HTR4: variants seen among roughly 807,000 people sequenced by gnomAD.
HTR4 encodes 5-hydroxytryptamine (serotonin) receptor 4, G protein-coupled.
In HTR4, 16 loss-of-function variants were observed where a neutral mutation model predicts 36.8. That is an observed-to-expected ratio of 0.43 (90% CI 0.29 to 0.66). The LOEUF is 0.66. Among genes scored for constraint, HTR4 ranks in the 30% least tolerant of loss-of-function variants. The probability of loss-of-function intolerance (pLI) is 0.13; values close to 1 mark genes in which losing one functional copy is unlikely to be tolerated. For synonymous variants in HTR4, 189 were observed against 185.1 expected (o/e 1.02, Z -0.17); for missense variants, 438 against 490.9 (o/e 0.89, Z 1.02).
At chr5:148,626,779 T>C (rs1753124705) in intron 2 of HTR4, among the ~76,000 whole-genome samples, 1 of 152,224 alleles carries the variant, frequency 6.6e-6, no homozygotes, top group African/African-American at 2.4e-5. Flanking sequence ...GGTCTAGAAA[T>C]TGGGAGTCAA....
At chr5:148,640,299 T>C (rs901237253) in intron 1 of HTR4, among the ~76,000 whole-genome samples, 4 of 152,246 alleles carry the variant, frequency 2.6e-5, no homozygotes, top group African/African-American at 9.6e-5. Context: ...TGGAACCACC[T>C]CTTCCCTTCT....
chr5:148,583,462 G>A (rs1761224910), intron 2 of HTR4, among the ~76,000 whole-genome samples: 1 of 151,276 alleles, frequency 6.6e-6, no homozygotes, highest in Non-Finnish European at 1.5e-5. Flanking sequence ...AAGTTAATTT[G>A]ATATTTTGCA....
intron 2 of HTR4, among the ~76,000 whole-genome samples, chr5:148,562,239 C>G (rs1016674442): frequency 2.0e-5 from 3 of 152,174 alleles, no homozygotes; most frequent in African/African-American, 7.2e-5. Flanking sequence ...TTTCATGGCC[C>G]GAAGAGAAAC....
At chr5:148,490,152 T>G (rs1008607808) in intron 6 of HTR4, among the ~76,000 whole-genome samples, 93 of 148,144 alleles carry the variant, frequency 6.3e-4, no homozygotes, top group African/African-American at 2.2e-3. Context: ...TGTATATATA[T>G]AATATATAAT....
At position 148,548,798 on chromosome 5, in the gene HTR4, G is replaced by T. The variant is rs757960737; in HGVS notation, c.223C>A (p.Pro75Thr). The T allele has an allele frequency of 6.2e-7, 1 of 1,614,016 alleles. No homozygotes were observed. Among genetic ancestry groups the T allele is most frequent in the South Asian group, 1.1e-5 (1 of 91,062 alleles). The change falls in exon 4 of 7, where the codon CCC (proline) becomes ACC (threonine). Residue 75 changes from proline (P) to threonine (T), a missense_variant. Pro to Thr is a conservative substitution (Grantham distance 38). Coordinates refer to ENST00000377888, the MANE Select transcript of HTR4 (RefSeq NM_000870.7). ...TGAACCAGCTCAATGGCACCAAAGG[G>T]CATCACCAGCACCGAAACCAGCAGA... ...ADLLVSVLVM[P>T]FGAIELVQDI...
At chr5:148,532,838 A>G (rs529863280) in intron 4 of HTR4, among the ~76,000 whole-genome samples, 112 of 152,324 alleles carry the variant, frequency 7.4e-4, no homozygotes, top group African/African-American at 2.6e-3. Context: ...GAATCACTTA[A>G]AGGATTTGTT....
At chr5:148,480,103 T>C (rs1383045898), downstream of HTR4, among the ~76,000 whole-genome samples, 1 of 152,220 alleles carries the variant, frequency 6.6e-6, no homozygotes, top group Non-Finnish European at 1.5e-5. Context: ...GGGATGATTT[T>C]GATGGTCCAA....
chr5:148,653,959 C>G, intron 1 of HTR4, 103 bp downstream of exon 1: 1 of 749,694 alleles, frequency 1.3e-6, no homozygotes, highest in Non-Finnish European at 1.6e-6. Context: ...AGTCCAGAAC[C>G]CCCAAGCCCC....
chr5:148,524,536 G>T (rs569760369), intron 4 of HTR4, among the ~76,000 whole-genome samples: 2 of 152,192 alleles, frequency 1.3e-5, no homozygotes, highest in South Asian at 4.1e-4. Flanking sequence ...CAACAGTCTG[G>T]CCTCTAACTT....
intron 5 of HTR4, among the ~76,000 whole-genome samples, chr5:148,452,250 G>A (rs1179429675): frequency 2.6e-5 from 4 of 152,124 alleles, no homozygotes; most frequent in Non-Finnish European, 4.4e-5. Flanking sequence ...TTACATGTGA[G>A]CAAAATAACG....
Position 148,609,768 on chromosome 5 carries a change from G to A in HTR4, c.26+27221C>T, listed in dbSNP as rs892509463. On this transcript the variant is annotated intron_variant, in intron 2 of 6. Coordinates refer to ENST00000377888, the MANE Select transcript of HTR4 (RefSeq NM_000870.7). ...TTTTTAGTAGAGACGGGGTTTCACCGTGTTAGCCAGGATGTTCGCAATCTC... is the reference window on the plus strand; with the variant it reads ...TTTTTAGTAGAGACGGGGTTTCACCATGTTAGCCAGGATGTTCGCAATCTC... 4.6e-5 allele frequency among the ~76,000 whole-genome samples: 7 copies of A among 151,956 alleles called. 1 individual carries two copies. The highest frequency in any genetic ancestry group is 9.6e-5 in the African/African-American group (4 of 41,468).
intron 6 of HTR4, among the ~76,000 whole-genome samples, chr5:148,489,091 A>G (rs1756294390): frequency 6.6e-6 from 1 of 152,220 alleles, no homozygotes; most frequent in Non-Finnish European, 1.5e-5. Context: ...ATAGTATTCC[A>G]ATATAAAAGG....
Position 148,599,911 on chromosome 5 carries a change from A to G in HTR4, c.26+37078T>C, listed in dbSNP as rs1388209371. ...ATAACATAAGCATATTTTAATCTCTATAATAACCATTAAGGAATATACTTC... is the reference window on the plus strand; with the variant it reads ...ATAACATAAGCATATTTTAATCTCTGTAATAACCATTAAGGAATATACTTC... On this transcript the variant is annotated intron_variant, in intron 2 of 6. Coordinates refer to ENST00000377888, the MANE Select transcript of HTR4 (RefSeq NM_000870.7). Among the ~76,000 whole-genome samples, 4 of 151,920 alleles carry G rather than the reference A, an allele frequency of 2.6e-5. No individual in the cohort carries two copies. The East Asian group carries it at 5.8e-4, about 22-fold the overall frequency.
At chr5:148,481,501 C>T (rs1755881486), downstream of HTR4, 6 of 1,418,060 alleles carry the variant, frequency 4.2e-6, no homozygotes, top group African/African-American at 1.5e-5. Flanking sequence ...TGACTTTCTC[C>T]CCAACAGAAT....
intron 6 of HTR4, among the ~76,000 whole-genome samples, chr5:148,505,206 G>C (rs1757134502): frequency 6.6e-6 from 1 of 152,182 alleles, no homozygotes; most frequent in Non-Finnish European, 1.5e-5. Context: ...TGGGATGCAA[G>C]GCTGGTTCAA....
intron 2 of HTR4, among the ~76,000 whole-genome samples, chr5:148,571,226 T>C (rs866008584): frequency 6.6e-6 from 1 of 152,122 alleles, no homozygotes; most frequent in East Asian, 1.9e-4. Flanking sequence ...GTAATTTCCA[T>C]ACACTGAATA....
intron 5 of HTR4, among the ~76,000 whole-genome samples, 193 bp downstream of exon 5, chr5:148,523,000 G>A (rs76072546): frequency 6.6e-6 from 1 of 152,056 alleles, no homozygotes; most frequent in Non-Finnish European, 1.5e-5. Context: ...ATTCAGAAAA[G>A]TCTAACTAAA....
downstream of HTR4, among the ~76,000 whole-genome samples, chr5:148,477,205 T>C (rs1212168307): frequency 6.6e-6 from 1 of 152,202 alleles, no homozygotes; most frequent in East Asian, 1.9e-4. Flanking sequence ...TGAGAAAGTC[T>C]ACTGATTACA....
intron 2 of HTR4, among the ~76,000 whole-genome samples, chr5:148,601,705 G>A (rs908408792): frequency 7.9e-5 from 12 of 152,150 alleles, no homozygotes; most frequent in Non-Finnish European, 1.8e-4. Context: ...GGAGGCTGAG[G>A]TGGGAGGATC....
Sources: gnomAD v4.1 joint callset for allele counts (sites outside exome capture counted in the v4.1 genomes callset) on GRCh38, gnomAD v4.1.1 for gene constraint, MANE v1.5 for transcripts, NCBI Gene and HGNC (gene_info 2026-07-23, HGNC 2026-07-21) for gene names.